Variants in TBC1D5 observed in about 807,000 individuals in gnomAD.
The protein encoded by TBC1D5 is TBC1 domain family member 5, also known as TBC1 domain family, member 5.
Under a neutral mutation model 100.3 loss-of-function variants are expected in TBC1D5, and 75 were observed. The ratio of observed to expected loss-of-function variants is 0.75; its 90% CI spans 0.62 to 0.91. The LOEUF is 0.91. Ranked by LOEUF, TBC1D5 falls within the 40% of genes least tolerant of loss-of-function variation. TBC1D5 has a pLI of 0.00. For missense variants in TBC1D5, 910 were observed against 942.4 expected (o/e 0.97, Z 0.45); for synonymous variants, 323 against 325.6 (o/e 0.99, Z 0.09).
intron 3 of TBC1D5, among the ~76,000 whole-genome samples, chr3:17,483,662 TAATC>T (rs2095526163): frequency 1.3e-5 from 2 of 152,184 alleles, no homozygotes; most frequent in South Asian, 4.1e-4. Context: ...TTTATCAAAT[TAATC>T]AGAATCAAAT....
chr3:17,695,292 G>T (rs531767837), intron 1 of TBC1D5, among the ~76,000 whole-genome samples: 2 of 152,064 alleles, frequency 1.3e-5, no homozygotes, highest in East Asian at 3.9e-4. Flanking sequence ...ATTAAAAGAC[G>T]CGGACTGGCA....
chr3:17,407,521 C>T (rs1039618341), intron 4 of TBC1D5, among the ~76,000 whole-genome samples: 10 of 152,114 alleles, frequency 6.6e-5, no homozygotes, highest in African/African-American at 2.4e-4. Context: ...CACTAAAACC[C>T]TCAATCATTC....
chr3:17,185,221 G>C lies in TBC1D5; in HGVS notation c.1753-13C>G, dbSNP rs776577379. 3 of 1,605,438 alleles carry C rather than the reference G, an allele frequency of 1.9e-6. No homozygotes were observed. Among genetic ancestry groups the C allele is most frequent in the Non-Finnish European group, 2.6e-6 (3 of 1,173,816 alleles). ...CTAATTCTTCTTCCTAAAATAAAGG[G>C]ATAAACATATGGAAATTTTTTAGAG... On this transcript the variant is annotated splice_polypyrimidine_tract_variant and intron_variant, in intron 18 of 21. Coordinates refer to ENST00000253692, the Ensembl canonical transcript of TBC1D5.
chr3:17,693,364 G>GT (rs1007053905), intron 1 of TBC1D5, among the ~76,000 whole-genome samples: 8 of 152,150 alleles, frequency 5.3e-5, no homozygotes, highest in African/African-American at 1.2e-4. Flanking sequence ...CTGGAAAAAC[G>GT]TAACACTCCC....
At chr3:17,421,855 A>G (rs1270646018) in intron 4 of TBC1D5, among the ~76,000 whole-genome samples, 1 of 152,180 alleles carries the variant, frequency 6.6e-6, no homozygotes, top group African/African-American at 2.4e-5. Context: ...TAAATCATGT[A>G]TTTATTCTTA....
chr3:17,715,903 T>G (rs2075191759), intron 1 of TBC1D5, among the ~76,000 whole-genome samples: 1 of 151,916 alleles, frequency 6.6e-6, no homozygotes, highest in Non-Finnish European at 1.5e-5. Context: ...CTAAAAATAT[T>G]TAGCCAGATG....
chr3:17,633,761 A>C (rs1460629637), intron 1 of TBC1D5, among the ~76,000 whole-genome samples: 1 of 152,130 alleles, frequency 6.6e-6, no homozygotes, highest in African/African-American at 2.4e-5. Flanking sequence ...TTAATTTAAA[A>C]ATTAATTATA....
intron 2 of TBC1D5, among the ~76,000 whole-genome samples, chr3:17,610,254 G>A (rs1318780316): frequency 6.6e-6 from 1 of 152,022 alleles, no homozygotes; most frequent in African/African-American, 2.4e-5. Context: ...GCGTGATTAT[G>A]GTTCACTGCA....
At chr3:17,354,748 C>T (rs116169055) in intron 13 of TBC1D5, among the ~76,000 whole-genome samples, 3,079 of 150,722 alleles carry the variant, frequency 0.02, 89 homozygotes, top group African/African-American at 0.07. Context: ...ACTGATTTAA[C>T]TAGATTATTC....
chr3:17,367,528 A>G (rs2092221656), intron 13 of TBC1D5, among the ~76,000 whole-genome samples: 1 of 152,174 alleles, frequency 6.6e-6, no homozygotes, highest in Non-Finnish European at 1.5e-5. Context: ...TTTTAAGTGC[A>G]ATACCAATCA....
At chr3:17,400,578 T>C (rs1196150649) in intron 8 of TBC1D5, among the ~76,000 whole-genome samples, 1 of 152,116 alleles carries the variant, frequency 6.6e-6, no homozygotes, top group African/African-American at 2.4e-5. Context: ...ATATTGAGTG[T>C]CAACTTGATT....
intron 2 of TBC1D5, among the ~76,000 whole-genome samples, chr3:17,584,486 T>C (rs543380939): frequency 6.6e-6 from 1 of 152,296 alleles, no homozygotes; most frequent in African/African-American, 2.4e-5. Flanking sequence ...GAAACTCATA[T>C]TTATGGTTTT....
chr3:17,161,153 C>G (rs749836541), exon 22 of TBC1D5: 1 of 1,614,208 alleles, frequency 6.2e-7, no homozygotes, highest in Non-Finnish European at 8.5e-7. Flanking sequence ...CTGGGCCTGG[C>G]CGGAGAAGGA....
In TBC1D5 at chr3:17,185,100, T is replaced by C; in HGVS notation, c.1852+9A>G. The C allele has an allele frequency of 6.2e-7, 1 of 1,609,988 alleles. No homozygotes were observed. On this transcript the variant is annotated intron_variant, in intron 19 of 21. Transcript: ENST00000253692. ...CTCATCGTTCCCAGGGCCAAAGTAA[T>C]TCACTTACCAAGATGAGTGTCCATC...
At chr3:17,403,456 T>C (rs2093694365) in intron 7 of TBC1D5, among the ~76,000 whole-genome samples, 1 of 152,094 alleles carries the variant, frequency 6.6e-6, no homozygotes, top group Non-Finnish European at 1.5e-5. Flanking sequence ...TTTTTCCAGT[T>C]TGATATTATC....
chr3:17,223,581 C>A (rs141685748), intron 17 of TBC1D5, among the ~76,000 whole-genome samples: 1 of 152,154 alleles, frequency 6.6e-6, no homozygotes, highest in Admixed American at 6.5e-5. Context: ...ACTACGCTGG[C>A]GGGGTGCGGT....
chr3:17,485,880 TGGTATTTCTA>T (rs2095559698), intron 3 of TBC1D5, among the ~76,000 whole-genome samples: 1 of 152,160 alleles, frequency 6.6e-6, no homozygotes, highest in Non-Finnish European at 1.5e-5. Flanking sequence ...TTGGGTCAAA[TGGTATTTCTA>T]GTTCTAGATC....
chr3:17,606,287 T>TA (rs760643090), intron 2 of TBC1D5, among the ~76,000 whole-genome samples: 13 of 151,856 alleles, frequency 8.6e-5, no homozygotes, highest in Admixed American at 8.5e-4. Flanking sequence ...ACAAAAAAAT[T>TA]AAAAAATTAG....
intron 16 of TBC1D5, among the ~76,000 whole-genome samples, chr3:17,242,161 G>A (rs2076360317): frequency 6.6e-6 from 1 of 152,036 alleles, no homozygotes; most frequent in African/African-American, 2.4e-5. Context: ...GGCCTCCAAT[G>A]CCTTCGTAGT....
Sources: gnomAD v4.1 joint callset for allele counts (sites outside exome capture counted in the v4.1 genomes callset) on GRCh38, gnomAD v4.1.1 for gene constraint, MANE v1.5 for transcripts, NCBI Gene and HGNC (gene_info 2026-07-23, HGNC 2026-07-21) for gene names.